Variants in SAMSN1 observed in about 807,000 individuals in gnomAD.
SAMSN1 encodes the protein SAM domain, SH3 domain and nuclear localization signals 1, also known as SAM domain-containing protein SAMSN-1.
Under a neutral mutation model 42.0 loss-of-function variants are expected in SAMSN1, and 31 were observed. That is an observed-to-expected ratio of 0.74 (90% confidence interval 0.55 to 1.00). The LOEUF (loss-of-function observed/expected upper bound fraction) is 1.00. Among genes scored for constraint, SAMSN1 ranks in the 50% least tolerant of loss-of-function variants. The pLI, the probability that SAMSN1 is intolerant of heterozygous loss-of-function variation, is 0.00. For synonymous variants in SAMSN1, 178 were observed against 151.9 expected (o/e 1.17, Z -1.26); for missense variants, 464 against 439.4 (o/e 1.06, Z -0.50).
chr21:14,512,844 A>C (rs1436613245), intron 3 of SAMSN1, among the ~76,000 whole-genome samples: 5 of 152,200 alleles, frequency 3.3e-5, no homozygotes, highest in African/African-American at 1.2e-4. Flanking sequence ...ATATCATATC[A>C]ATATTATTTA....
At chr21:14,639,828 T>C (rs1282386468) in intron 2 of SAMSN1, among the ~76,000 whole-genome samples, 1 of 152,178 alleles carries the variant, frequency 6.6e-6, no homozygotes, top group African/African-American at 2.4e-5. Context: ...TCCAATACTT[T>C]ATGCCTTTCC....
chr21:14,488,270 G>A (rs1316452719), intron 7 of SAMSN1, among the ~76,000 whole-genome samples: 2 of 152,042 alleles, frequency 1.3e-5, no homozygotes, highest in African/African-American at 4.8e-5. Flanking sequence ...TTATGTTTGG[G>A]CCAATATTAC....
intron 2 of SAMSN1, among the ~76,000 whole-genome samples, chr21:14,565,007 GT>G (rs1568810595): frequency 1.3e-5 from 2 of 152,094 alleles, no homozygotes; most frequent in Non-Finnish European, 2.9e-5. Flanking sequence ...AAAAGAACAT[GT>G]TTTGGGCTGG....
chr21:14,538,579 A>G (rs2123128943), intron 1 of SAMSN1, among the ~76,000 whole-genome samples: 1 of 152,340 alleles, frequency 6.6e-6, no homozygotes, highest in Non-Finnish European at 1.5e-5. Flanking sequence ...ACCTGGTTAG[A>G]TAAGAGTTAA....
chr21:14,557,160 C>A (rs1411884029), intron 2 of SAMSN1, among the ~76,000 whole-genome samples: 1 of 152,180 alleles, frequency 6.6e-6, no homozygotes, highest in African/African-American at 2.4e-5. Context: ...CCACGGAGAA[C>A]CTGTGGTGTG....
intron 7 of SAMSN1, among the ~76,000 whole-genome samples, chr21:14,493,526 G>A (rs975974700): frequency 1.3e-5 from 2 of 151,268 alleles, no homozygotes; most frequent in Non-Finnish European, 2.9e-5. Context: ...ATTCTAAAGA[G>A]GACTTCAGAG....
intron 1 of SAMSN1, among the ~76,000 whole-genome samples, chr21:14,528,834 A>G (rs1355654644): frequency 1.3e-5 from 2 of 152,160 alleles, no homozygotes; most frequent in Non-Finnish European, 2.9e-5. Context: ...AGCTTGCTCC[A>G]CATTGCCATG....
At chr21:14,558,826 A>G (rs906691489) in intron 2 of SAMSN1, among the ~76,000 whole-genome samples, 2 of 152,206 alleles carry the variant, frequency 1.3e-5, no homozygotes, top group African/African-American at 4.8e-5. Context: ...CCATGGCTTC[A>G]ACATCTTTTA....
intron 2 of SAMSN1, among the ~76,000 whole-genome samples, chr21:14,554,067 T>C (rs1399408884): frequency 5.9e-5 from 9 of 152,186 alleles, no homozygotes; most frequent in African/African-American, 2.2e-4. Context: ...CCAGGAAAAT[T>C]CCGTTACTTT....
intron 1 of SAMSN1, among the ~76,000 whole-genome samples, chr21:14,540,763 G>C (rs889656338): frequency 6.6e-6 from 1 of 152,176 alleles, no homozygotes; most frequent in Non-Finnish European, 1.5e-5. Flanking sequence ...TTCCATTTGA[G>C]CCAGCCATCC....
intron 3 of SAMSN1, among the ~76,000 whole-genome samples, chr21:14,514,928 G>A (rs1259389958): frequency 6.6e-6 from 1 of 152,138 alleles, no homozygotes; most frequent in African/African-American, 2.4e-5. Flanking sequence ...GAGAGTAGAT[G>A]AGCTGACTTA....
intron 1 of SAMSN1, among the ~76,000 whole-genome samples, chr21:14,527,760 TAAAAAAAAAA>T (rs71183427): frequency 9.3e-6 from 1 of 107,878 alleles, no homozygotes; most frequent in African/African-American, 4.5e-5. Context: ...AAACTAGAAC[TAAAAAAAAAA>T]AAAAAAAAAA....
At chr21:14,618,461 G>T (rs1982900941) in intron 2 of SAMSN1, among the ~76,000 whole-genome samples, 1 of 152,118 alleles carries the variant, frequency 6.6e-6, no homozygotes. Context: ...TACTGAACTG[G>T]TTAAGCAATT....
intron 6 of SAMSN1, among the ~76,000 whole-genome samples, chr21:14,599,726 C>T (rs1982378423): frequency 6.6e-6 from 1 of 152,156 alleles, no homozygotes; most frequent in South Asian, 2.1e-4. Flanking sequence ...TCCCCTTCAC[C>T]TTCAGCCATG....
intron 7 of SAMSN1, among the ~76,000 whole-genome samples, chr21:14,488,591 T>C (rs1986542747): frequency 6.6e-6 from 1 of 152,184 alleles, no homozygotes. Context: ...CATTGTGTAA[T>C]ATTAGTAACA....
chr21:14,593,144 A>ATATATT (rs1448109207), intron 7 of SAMSN1, among the ~76,000 whole-genome samples: 7 of 152,268 alleles, frequency 4.6e-5, no homozygotes, highest in African/African-American at 1.7e-4. Flanking sequence ...CTTAGATGTT[A>ATATATT]ATAACATGTT....
intron 2 of SAMSN1, among the ~76,000 whole-genome samples, chr21:14,553,006 G>T (rs1980648128): frequency 6.6e-6 from 1 of 151,432 alleles, no homozygotes; most frequent in Admixed American, 6.6e-5. Flanking sequence ...TCTATTCCTA[G>T]ACTTCCTATT....
intron 2 of SAMSN1, among the ~76,000 whole-genome samples, chr21:14,578,911 T>C (rs1981602218): frequency 6.6e-6 from 1 of 152,088 alleles, no homozygotes; most frequent in Admixed American, 6.6e-5. Flanking sequence ...CTGCCATTAA[T>C]AGTAAGTAAC....
At chr21:14,645,941 A>T (rs1434104479) in intron 1 of SAMSN1, among the ~76,000 whole-genome samples, 1 of 152,200 alleles carries the variant, frequency 6.6e-6, no homozygotes, top group Admixed American at 6.5e-5. Flanking sequence ...GCCTAAAGAC[A>T]GCTATTTTAA....
Sources: gnomAD v4.1 joint callset for allele counts (sites outside exome capture counted in the v4.1 genomes callset) on GRCh38, gnomAD v4.1.1 for gene constraint, MANE v1.5 for transcripts, NCBI Gene and HGNC (gene_info 2026-07-23, HGNC 2026-07-21) for gene names.